The following VPS35L variants were observed in gnomAD, a reference collection of about 807,000 sequenced individuals.
VPS35L encodes VPS35 endosomal protein-sorting factor-like.
VPS35L carries 83 observed loss-of-function variants against 133.0 expected under a neutral mutation model. The ratio of observed to expected loss-of-function variants is 0.62; its 90% CI spans 0.52 to 0.75. VPS35L has a LOEUF of 0.75. Among genes scored for constraint, VPS35L ranks in the 30% least tolerant of loss-of-function variants. The probability of loss-of-function intolerance (pLI) is 0.00; values close to 1 mark genes in which losing one functional copy is unlikely to be tolerated. For synonymous variants in VPS35L, 423 were observed against 449.9 expected, an observed-to-expected ratio of 0.94 and a Z score of 0.76; for missense variants, 1,083 against 1,206.8, an observed-to-expected ratio of 0.90 and a Z score of 1.52.
intron 14 of VPS35L, among the ~76,000 whole-genome samples, chr16:19,620,632 T>C (rs1047366563): frequency 7.2e-5 from 11 of 152,176 alleles, no homozygotes; most frequent in African/African-American, 2.4e-4. Flanking sequence ...CCCATAAATA[T>C]ATACACTTAC....
intron 1 of VPS35L, 115 bp from the exon 2 acceptor site, chr16:19,564,736 T>C: frequency 1.4e-6 from 1 of 706,776 alleles, no homozygotes; most frequent in East Asian, 2.8e-5. Flanking sequence ...TTTTTAACTT[T>C]GGTGGGAATA....
intron 12 of VPS35L, 43 bp from the exon 13 acceptor site, chr16:19,616,071 T>C: frequency 1.3e-6 from 2 of 1,486,970 alleles, no homozygotes; most frequent in South Asian, 1.1e-5. Context: ...AATCATACTA[T>C]AGTCATTATT....
intron 12 of VPS35L, among the ~76,000 whole-genome samples, chr16:19,615,911 C>G (rs1039498728): frequency 2.0e-5 from 3 of 151,248 alleles, no homozygotes; most frequent in South Asian, 2.1e-4. Context: ...TGGTTGCAGT[C>G]AGCTGAAATC....
intron 5 of VPS35L, chr16:19,578,265 G>A (rs1039720179): frequency 4.5e-6 from 2 of 447,930 alleles, no homozygotes; most frequent in African/African-American, 2.0e-5. Context: ...TCGACCCTAA[G>A]TCCACATTTC....
rs764971165 is a variant in VPS35L at position 19,629,785 on chromosome 16, G to A, written c.1519G>A (p.Glu507Lys). The A allele has an allele frequency of 3.2e-5, 51 of 1,613,674 alleles. No individual in the cohort carries two copies. Among genetic ancestry groups the A allele is most frequent in the Middle Eastern group, 1.6e-4 (1 of 6,084 alleles). ...TTTGTAGGACTACATTAATTGTGCC[G>A]AAGTGTGGGTGGAATACACCTGCAA... ...KNPQDYINCA[E>K]VWVEYTCKHF... Residue 507 changes from glutamate (E) to lysine (K), a missense_variant, in exon 18 of 31, where the codon GAA (glutamate) becomes AAA (lysine). Glu to Lys is a moderately conservative substitution (Grantham distance 56). Coordinates refer to ENST00000417362, the MANE Select transcript of VPS35L (RefSeq NM_020314.7).
chr16:19,612,562 G>A (rs950235475), intron 12 of VPS35L, among the ~76,000 whole-genome samples: 2 of 152,048 alleles, frequency 1.3e-5, no homozygotes, highest in African/African-American at 4.8e-5. Context: ...CCTTGTTTAT[G>A]TATTTCTTCT....
chr16:19,652,627 G>C (rs549709143), intron 26 of VPS35L: 1 of 154,802 alleles, frequency 6.5e-6, no homozygotes, highest in Non-Finnish European at 1.4e-5. Flanking sequence ...CTTCCTGTAA[G>C]AACCTTCTTA....
chr16:19,677,457 A>C (rs1975103203), intron 27 of VPS35L, among the ~76,000 whole-genome samples: 1 of 152,170 alleles, frequency 6.6e-6, no homozygotes, highest in African/African-American at 2.4e-5. Flanking sequence ...TAATCAGGAG[A>C]GTTCCCGAAG....
intron 27 of VPS35L, among the ~76,000 whole-genome samples, chr16:19,669,969 C>T (rs901262467): frequency 6.6e-6 from 1 of 151,972 alleles, no homozygotes; most frequent in Admixed American, 6.6e-5. Flanking sequence ...CCATGCCAGG[C>T]CTTTTTGTGT....
At chr16:19,591,437 C>T (rs549157685) in intron 7 of VPS35L, among the ~76,000 whole-genome samples, 9 of 151,860 alleles carry the variant, frequency 5.9e-5, no homozygotes, top group South Asian at 2.1e-4. Context: ...TGTTATGGGC[C>T]GGGTGCGGTG....
intron 11 of VPS35L, among the ~76,000 whole-genome samples, chr16:19,609,930 A>G (rs1972656147): frequency 6.6e-6 from 1 of 152,146 alleles, no homozygotes; most frequent in African/African-American, 2.4e-5. Flanking sequence ...TCACGGAAGG[A>G]ACAGGGTACG....
rs1457099389 is a variant in VPS35L at position 19,604,305 on chromosome 16, G to A, written c.784+2582G>A. On this transcript the variant is annotated intron_variant, in intron 9 of 30. Transcript: ENST00000417362. Reference sequence around the variant, plus strand: ...ATCTTCCTTTCTCCCAGTCTTCAGTGACTATACAAACAACATTTTAGGGCC... The same window carrying A: ...ATCTTCCTTTCTCCCAGTCTTCAGTAACTATACAAACAACATTTTAGGGCC... 3.9e-5 allele frequency among the ~76,000 whole-genome samples: 6 copies of A among 151,980 alleles called. No homozygotes were observed. The East Asian group carries it at 5.8e-4, about 15-fold the overall frequency.
At chr16:19,677,849 G>A (rs556014546) in intron 27 of VPS35L, among the ~76,000 whole-genome samples, 27 of 152,258 alleles carry the variant, frequency 1.8e-4, no homozygotes, top group African/African-American at 6.5e-4. Context: ...CCTGTGTTCT[G>A]GTTCCTTTTC....
chr16:19,647,738 CTAAAAA>C (rs751761189), intron 23 of VPS35L, 40 bp from the exon 24 acceptor site: 4 of 1,490,790 alleles, frequency 2.7e-6, no homozygotes, highest in Non-Finnish European at 2.8e-6. Context: ...TGCGTTCTCT[CTAAAAA>C]TACCACTGTC....
At chr16:19,636,995 G>A (rs1007884974) in intron 19 of VPS35L, among the ~76,000 whole-genome samples, 14 of 152,206 alleles carry the variant, frequency 9.2e-5, no homozygotes, top group African/African-American at 3.4e-4. Context: ...AGGGCCACAC[G>A]ATGATGTAGA....
At chr16:19,667,161 A>G (rs1333020616) in intron 26 of VPS35L, among the ~76,000 whole-genome samples, 1 of 151,754 alleles carries the variant, frequency 6.6e-6, no homozygotes, top group Non-Finnish European at 1.5e-5. Context: ...ACAGGGTTTC[A>G]CCATATTGGC....
intron 8 of VPS35L, among the ~76,000 whole-genome samples, chr16:19,597,899 A>G (rs952266417): frequency 1.3e-5 from 2 of 152,334 alleles, no homozygotes; most frequent in Middle Eastern, 3.4e-3. Flanking sequence ...AAGATGCATG[A>G]CAGTATAGGG....
intron 27 of VPS35L, among the ~76,000 whole-genome samples, chr16:19,674,184 C>CTTTCTTTTTTTT (rs764022611): frequency 4.2e-5 from 3 of 70,908 alleles, no homozygotes; most frequent in African/African-American, 1.9e-4. Context: ...TTTTCTTTTT[C>CTTTCTTTTTTTT]TTTTTTTTTT....
intron 12 of VPS35L, among the ~76,000 whole-genome samples, chr16:19,615,264 G>A (rs190285867): frequency 3.0e-4 from 45 of 152,190 alleles, no homozygotes; most frequent in Non-Finnish European, 1.3e-4. Flanking sequence ...AATACCTTTG[G>A]GGAAGGGCAA....
Sources: allele counts gnomAD v4.1 joint callset (sites outside exome capture counted in the v4.1 genomes callset), GRCh38; gene constraint gnomAD v4.1.1; transcripts MANE v1.5; gene names NCBI Gene and HGNC (gene_info 2026-07-23, HGNC 2026-07-21).